Variants in IST1 observed in about 807,000 individuals in gnomAD.
The protein encoded by IST1 is IST1 factor associated with ESCRT-III.
In IST1, 23 loss-of-function variants were observed where a neutral mutation model predicts 37.0. The observed-to-expected ratio is 0.62, with a 90% CI of 0.45 to 0.88. IST1 has a LOEUF of 0.88. IST1 is among the 40% of genes least tolerant of loss of function. The pLI, the probability that IST1 is intolerant of heterozygous loss-of-function variation, is 0.00. For missense variants in IST1, 488 were observed against 445.4 expected (o/e 1.10, Z -0.86); for synonymous variants, 180 against 161.7 (o/e 1.11, Z -0.86).
Position 71,929,292 on chromosome 16 carries a change from C to T in IST1, c.*1479C>T, listed in dbSNP as rs1483874465. 1.4e-5 allele frequency: 5 copies of T among 349,232 alleles called. No homozygotes were observed. The highest frequency in any genetic ancestry group is 2.6e-5 in the Non-Finnish European group (5 of 192,974). The allele number at this position is 349,232 out of a possible 1,614,324, so 21.6% of individuals were successfully genotyped here. A position where few individuals can be genotyped will look rare whatever the true frequency, so the allele number is the denominator to read the frequency against. ...TGACTGCTTCATTTCCCGCAGCCATCCTGGGCCATGGGTGGTGAGTTCTGT... is the reference window on the plus strand; with the variant it reads ...TGACTGCTTCATTTCCCGCAGCCATTCTGGGCCATGGGTGGTGAGTTCTGT... On this transcript the variant is annotated 3_prime_UTR_variant, in exon 10 of 10. Coordinates refer to ENST00000378799, the MANE Select transcript of IST1 (RefSeq NM_001270975.2).
rs1238320725 is a variant in IST1, at chr16:71,923,616, C to G, written c.852+236C>G. On this transcript the variant is annotated intron_variant, in intron 8 of 9. Coordinates refer to ENST00000378799, the MANE Select transcript of IST1 (RefSeq NM_001270975.2). ...AATTAAGCCAGGAATCAGGAAGGAACTGCAGATTTCTTAGAAAGTTGTAGT... is the reference window on the plus strand; with the variant it reads ...AATTAAGCCAGGAATCAGGAAGGAAGTGCAGATTTCTTAGAAAGTTGTAGT... 4.9e-5 allele frequency: 18 copies of G among 365,726 alleles called. No individual in the cohort carries two copies. The East Asian group carries it at 9.9e-4, about 20-fold the overall frequency. The allele number at this position is 365,726 out of a possible 1,614,324, so 22.7% of individuals were successfully genotyped here.
chr16:71,897,988 G>A (rs1220638277), intron 1 of IST1, among the ~76,000 whole-genome samples: 3 of 152,112 alleles, frequency 2.0e-5, no homozygotes, highest in Non-Finnish European at 4.4e-5. Context: ...ATTAGACAGC[G>A]TTTACTACAA....
intron 9 of IST1, 21 bp from the exon 10 acceptor site, chr16:71,927,593 T>C (rs768584244): frequency 3.8e-6 from 6 of 1,565,568 alleles, no homozygotes; most frequent in Admixed American, 3.3e-5. Flanking sequence ...TTTGTAACGT[T>C]GTGCTCCTTG....
At position 71,929,457 on chromosome 16, in the gene IST1, T is replaced by A. The variant is rs986155213; in HGVS notation, c.*1644T>A. On this transcript the variant is annotated 3_prime_UTR_variant, in exon 10 of 10. Transcript: ENST00000378799. ...AACTTACAGAATTAAAAACAAAGTATATTATAATTTTAAAGCTATGCCATG... is the reference window on the plus strand; with the variant it reads ...AACTTACAGAATTAAAAACAAAGTAAATTATAATTTTAAAGCTATGCCATG... The A allele has an allele frequency of 3.3e-5, 44 of 1,320,316 alleles. No homozygotes were observed. The highest frequency in any genetic ancestry group is 2.9e-5 in the Non-Finnish European group (29 of 985,012). The allele number at this position is 1,320,316 out of a possible 1,614,324, so 81.8% of individuals were successfully genotyped here.
chr16:71,917,527 G>T (rs1021256645), intron 4 of IST1, among the ~76,000 whole-genome samples: 1 of 152,156 alleles, frequency 6.6e-6, no homozygotes, highest in Non-Finnish European at 1.5e-5. Flanking sequence ...AGTGCTGGGG[G>T]TAACAGTGGT....
Position 71,922,613 on chromosome 16 carries a change from C to T in IST1, c.692C>T (p.Pro231Leu). Residue 231 changes from proline (P) to leucine (L), a missense_variant, in exon 7 of 10, where the codon CCC becomes CTC. By Grantham distance (98) the Pro-to-Leu change is moderately conservative (BLOSUM62 -3). Around this residue, in one of 2 missense-constraint regions of IST1, gnomAD observed 455 missense variants for 386.2 expected, o/e 1.18. Transcript: ENST00000378799. ...GGACCTGATGGAACGGTGCCAATGC[C>T]CATGCCCATGCCCATGCCTATGCCA... ...VGGPDGTVPM[P>L]MPMPMPMPSA... 5 of 704,510 alleles carry T rather than the reference C, an allele frequency of 7.1e-6. No individual in the cohort carries two copies. The highest frequency in any genetic ancestry group is 9.7e-6 in the Non-Finnish European group (5 of 517,520). The allele number at this position is 704,510 out of a possible 1,614,324, so 43.6% of individuals were successfully genotyped here.
intron 4 of IST1, among the ~76,000 whole-genome samples, chr16:71,917,423 C>G (rs1428499252): frequency 6.6e-6 from 1 of 152,044 alleles, no homozygotes; most frequent in Non-Finnish European, 1.5e-5. Context: ...CAACTGTAAA[C>G]CAGTAAAGTT....
Position 71,928,442 on chromosome 16 carries a change from C to T in IST1, c.*629C>T, listed in dbSNP as rs1666152833. The T allele has an allele frequency of 6.5e-6, 1 of 152,986 alleles. No homozygotes were observed. Among genetic ancestry groups the T allele is most frequent in the Admixed American group, 6.5e-5 (1 of 15,306 alleles). 9.5% of individuals were successfully genotyped at this position (152,986 alleles called of 1,614,324 possible). A position where few individuals can be genotyped will look rare whatever the true frequency, so the allele number is the denominator to read the frequency against. On this transcript the variant is annotated 3_prime_UTR_variant, in exon 10 of 10. Transcript: ENST00000378799. ...CAAAGTTTGTCTTGACAGTTGAAGG[C>T]CTCGCTTAGTTGTACTGGATTCTCA...
At chr16:71,901,488 C>T (rs1207177480) in intron 1 of IST1, among the ~76,000 whole-genome samples, 1 of 152,208 alleles carries the variant, frequency 6.6e-6, no homozygotes, top group African/African-American at 2.4e-5. Context: ...GCTGGGATTA[C>T]AGGTGTGAGC....
upstream of IST1, chr16:71,894,918 T>A (rs2036931798): frequency 2.5e-6 from 3 of 1,198,832 alleles, no homozygotes; most frequent in Admixed American, 6.0e-5. Flanking sequence ...CGCCAGAGAC[T>A]GTGGTGCTGA....
Position 71,916,756 on chromosome 16 carries a change from C to G in IST1, c.269+114C>G, listed in dbSNP as rs368829008. On this transcript the variant is annotated intron_variant, in intron 3 of 9. Transcript: ENST00000378799. ...ACATGCCCAAGGATCTGCTGCCTAA[C>G]AGTTGCTGAAAGGCCTGTTAAAAAG... The G allele has an allele frequency of 3.4e-6, 3 of 893,600 alleles. No homozygotes were observed. In the African/African-American group the frequency reaches 5.0e-5, roughly 15 times the overall value. The allele number at this position is 893,600 out of a possible 1,614,324, so 55.4% of individuals were successfully genotyped here.
intron 1 of IST1, among the ~76,000 whole-genome samples, chr16:71,913,427 G>A (rs2037401431): frequency 6.6e-6 from 1 of 152,116 alleles, no homozygotes; most frequent in Non-Finnish European, 1.5e-5. Flanking sequence ...ATATCTTCAA[G>A]TATTTTGCCC....
intron 5 of IST1, chr16:71,921,045 G>T: frequency 1.6e-6 from 1 of 615,476 alleles, no homozygotes; most frequent in East Asian, 2.8e-5. Flanking sequence ...CACTTTGTAT[G>T]CCTCGTGTCA....
chr16:71,915,452 TCAG>T, intron 1 of IST1, 171 bp from the exon 2 acceptor site: 1 of 530,060 alleles, frequency 1.9e-6, no homozygotes, highest in Non-Finnish European at 3.3e-6. Context: ...CCTTCCCCAA[TCAG>T]TTTTTTTTAC....
chr16:71,918,104 A>C (rs1253298805), intron 4 of IST1, among the ~76,000 whole-genome samples: 2 of 152,134 alleles, frequency 1.3e-5, no homozygotes. Flanking sequence ...ACTGTGAGGA[A>C]CTAGTCATCT....
chr16:71,918,067 T>G (rs1441424406), intron 4 of IST1, among the ~76,000 whole-genome samples: 7 of 152,172 alleles, frequency 4.6e-5, no homozygotes, highest in African/African-American at 1.7e-4. Context: ...AGTGATCTGG[T>G]TAAGCTCTTA....
At position 71,922,579 on chromosome 16, in the gene IST1, C is replaced by T. The variant is rs750782141; in HGVS notation, c.658C>T (p.Pro220Ser). The change falls in exon 7 of 10, where the codon CCA becomes TCA. Residue 220 changes from proline to serine, a missense_variant. Coordinates refer to ENST00000378799, the MANE Select transcript of IST1 (RefSeq NM_001270975.2). ...AGGAGGGAGTGGTGGCTTCACAGCACCAGTTGGTGGACCTGATGGAACGGT... is the reference window on the plus strand; with the variant it reads ...AGGAGGGAGTGGTGGCTTCACAGCATCAGTTGGTGGACCTGATGGAACGGT... ...GRGGSGGFTAPVGGPDGTVPM... is the reference protein window; with the variant it reads ...GRGGSGGFTASVGGPDGTVPM... 8 of 1,613,912 alleles carry T rather than the reference C, an allele frequency of 5.0e-6. No individual in the cohort carries two copies. Among genetic ancestry groups the T allele is most frequent in the African/African-American group, 1.3e-5 (1 of 74,962 alleles).
At chr16:71,900,851 C>T (rs2142526120) in intron 1 of IST1, among the ~76,000 whole-genome samples, 1 of 152,258 alleles carries the variant, frequency 6.6e-6, no homozygotes, top group East Asian at 1.9e-4. Flanking sequence ...CTGTTGTAGA[C>T]AGTGGCTTAG....
At chr16:71,906,843 G>T (rs1040603523) in intron 1 of IST1, among the ~76,000 whole-genome samples, 1 of 152,096 alleles carries the variant, frequency 6.6e-6, no homozygotes, top group Non-Finnish European at 1.5e-5. Flanking sequence ...GTAATGCATC[G>T]TTTTTCCCAG....
Sources: allele counts gnomAD v4.1 joint callset (sites outside exome capture counted in the v4.1 genomes callset), GRCh38; gene constraint gnomAD v4.1.1; regional missense constraint gnomAD v4.1.1; transcripts MANE v1.5; gene names NCBI Gene and HGNC (gene_info 2026-07-23, HGNC 2026-07-21).